Variants in TMEM132B observed in about 807,000 individuals in gnomAD.
TMEM132B encodes the protein transmembrane protein 132B.
Under a neutral mutation model 90.8 loss-of-function variants are expected in TMEM132B, and 18 were observed. The observed-to-expected ratio is 0.20, with a 90% CI of 0.14 to 0.29. The LOEUF (loss-of-function observed/expected upper bound fraction) is 0.29, where lower values mean the gene tolerates loss of function less well. Ranked by LOEUF, TMEM132B falls within the 10% of genes least tolerant of loss-of-function variation. The probability of loss-of-function intolerance (pLI) is 1.00; values close to 1 mark genes in which losing one functional copy is unlikely to be tolerated. For missense variants in TMEM132B, 1,096 were observed against 1,326.8 expected, an observed-to-expected ratio of 0.83 and a Z score of 2.70; for synonymous variants, 504 against 523.3, an observed-to-expected ratio of 0.96 and a Z score of 0.50.
chr12:125,492,245 T>G lies in TMEM132B; in HGVS notation c.1107-27194T>G, dbSNP rs1248741651. Among the ~76,000 whole-genome samples, 1 of 152,176 alleles carries G rather than the reference T, an allele frequency of 6.6e-6. No homozygotes were observed. Among genetic ancestry groups the G allele is most frequent in the African/African-American group, 2.4e-5 (1 of 41,444 alleles). On this transcript the variant is annotated intron_variant, in intron 3 of 8. Coordinates refer to ENST00000682704, the MANE Select transcript of TMEM132B (RefSeq NM_001366854.1). This position sits in a 1 kb window ranked among gnomAD's most constrained non-coding sequence, Gnocchi z 5.8. The stretch of plus-strand genomic sequence containing the variant: ...TTGTGCAAATGTTTCCTGTGCAAGT[T>G]ACACCTGCCGTGGCAGCTCAGCCTT...
chr12:125,382,820 C>T (rs1460173042), intron 2 of TMEM132B, among the ~76,000 whole-genome samples: 1 of 152,120 alleles, frequency 6.6e-6, no homozygotes, highest in African/African-American at 2.4e-5. Context: ...GGGTGTTTTG[C>T]TTCTTAAAAA....
intron 1 of TMEM132B, among the ~76,000 whole-genome samples, chr12:125,297,688 C>A (rs1294912269): frequency 6.6e-6 from 1 of 152,222 alleles, no homozygotes; most frequent in Non-Finnish European, 1.5e-5. Context: ...AGTGCAGGTG[C>A]TGGCCAAGCA....
At position 125,460,960 on chromosome 12, in the gene TMEM132B, G is replaced by A. The variant is rs566514749; in HGVS notation, c.1106+45283G>A. 2.6e-4 allele frequency among the ~76,000 whole-genome samples: 40 copies of A among 152,278 alleles called. No homozygotes were observed. Among genetic ancestry groups the A allele is most frequent in the Admixed American group, 5.9e-4 (9 of 15,302 alleles). On this transcript the variant is annotated intron_variant, in intron 3 of 8. Transcript: ENST00000682704. The surrounding 1 kb of genome is among the most constrained non-coding windows in gnomAD (Gnocchi z 4.4). ...TTTTTGTCTTCATATTTTCCCACAT[G>A]TCCTGTATTCATTAATGAAACAAAG...
chr12:125,294,077 T>C (rs1209982685), intron 1 of TMEM132B, among the ~76,000 whole-genome samples: 1 of 152,152 alleles, frequency 6.6e-6, no homozygotes, highest in Non-Finnish European at 1.5e-5. Context: ...GTGAAGGAAG[T>C]CCCAAGCCTC....
At chr12:125,481,732 C>T (rs1882048583) in intron 3 of TMEM132B, among the ~76,000 whole-genome samples, 2 of 152,236 alleles carry the variant, frequency 1.3e-5, no homozygotes, top group South Asian at 4.1e-4. Context: ...TGACTTTCTT[C>T]ACAGAATTGG....
chr12:125,390,198 G>A (rs558040539), intron 2 of TMEM132B, among the ~76,000 whole-genome samples: 1 of 152,302 alleles, frequency 6.6e-6, no homozygotes, highest in African/African-American at 2.4e-5. Flanking sequence ...AATGCTTATA[G>A]TGGCATTATT....
intron 5 of TMEM132B, among the ~76,000 whole-genome samples, chr12:125,609,202 G>A (rs1047767347): frequency 1.3e-5 from 2 of 152,258 alleles, no homozygotes; most frequent in South Asian, 4.2e-4. Context: ...TACAATTCAA[G>A]GTGATATTTG....
intron 1 of TMEM132B, among the ~76,000 whole-genome samples, chr12:125,325,335 C>T (rs957614176): frequency 6.6e-6 from 1 of 152,142 alleles, no homozygotes; most frequent in Non-Finnish European, 1.5e-5. Context: ...AGCCTCAAAC[C>T]AGGCAGGAGC....
At chr12:125,189,439 G>T (rs1021642654) in intron 1 of TMEM132B, among the ~76,000 whole-genome samples, 1 of 152,172 alleles carries the variant, frequency 6.6e-6, no homozygotes, top group Non-Finnish European at 1.5e-5. Context: ...AGTGGCAGGG[G>T]GGAGCTTTGG....
chr12:125,652,303 A>T, intron 7 of TMEM132B, 138 bp from the exon 8 acceptor site: 1 of 713,988 alleles, frequency 1.4e-6, no homozygotes, highest in Non-Finnish European at 2.2e-6. Flanking sequence ...ACAACGGCAT[A>T]ATACTTCCCT....
chr12:125,308,198 T>C (rs1366537085), intron 1 of TMEM132B, among the ~76,000 whole-genome samples: 2 of 143,348 alleles, frequency 1.4e-5, no homozygotes, highest in Non-Finnish European at 3.0e-5. Flanking sequence ...ACATATATAT[T>C]CACCTGTAGA....
rs1306263690 is a variant in TMEM132B at position 125,407,223 on chromosome 12, G to T, written c.960-8308G>T. Among the ~76,000 whole-genome samples the T allele has an allele frequency of 1.3e-5, 2 of 152,190 alleles. No homozygotes were observed. The highest frequency in any genetic ancestry group is 2.9e-5 in the Non-Finnish European group (2 of 68,046). ...AGGTAAACAAAGACACTCTTATCAG[G>T]CAAGAAATTCCAAAGGCTTAAAAGT... On this transcript the variant is annotated intron_variant, in intron 2 of 8. Coordinates refer to ENST00000682704, the MANE Select transcript of TMEM132B (RefSeq NM_001366854.1). This position sits in a 1 kb window ranked among gnomAD's most constrained non-coding sequence, Gnocchi z 6.7.
intron 2 of TMEM132B, among the ~76,000 whole-genome samples, chr12:125,409,604 G>A: frequency 9.1e-6 from 1 of 110,048 alleles, no homozygotes; most frequent in African/African-American, 5.0e-5. Flanking sequence ...GTGGAGGAGT[G>A]GAGTGGAGTG....
chr12:125,453,997 G>T (rs1206767364), intron 3 of TMEM132B, among the ~76,000 whole-genome samples: 4 of 152,144 alleles, frequency 2.6e-5, no homozygotes, highest in African/African-American at 9.7e-5. Context: ...GACATCTCTT[G>T]TCCTTGCTGA....
At chr12:125,640,397 G>A (rs1010146043) in intron 5 of TMEM132B, among the ~76,000 whole-genome samples, 1 of 152,162 alleles carries the variant, frequency 6.6e-6, no homozygotes, top group African/African-American at 2.4e-5. Flanking sequence ...ACTTATGAAG[G>A]ACATCAGATC....
At chr12:125,197,483 A>G (rs1399261874) in intron 1 of TMEM132B, among the ~76,000 whole-genome samples, 4 of 152,206 alleles carry the variant, frequency 2.6e-5, no homozygotes, top group Non-Finnish European at 4.4e-5. Flanking sequence ...AGCAAGCCAT[A>G]GGCCACGGAC....
intron 3 of TMEM132B, among the ~76,000 whole-genome samples, chr12:125,485,008 A>G (rs1019019166): frequency 6.6e-6 from 1 of 152,226 alleles, no homozygotes; most frequent in African/African-American, 2.4e-5. Context: ...GCTTACAACC[A>G]AAGATCACTA....
chr12:125,416,821 G>A (rs1880028292), intron 3 of TMEM132B, among the ~76,000 whole-genome samples: 1 of 152,140 alleles, frequency 6.6e-6, no homozygotes, highest in South Asian at 2.1e-4. Context: ...TATCGACAGA[G>A]TTTTCAGCCC....
chr12:125,518,137 T>G lies in TMEM132B; in HGVS notation c.1107-1302T>G, dbSNP rs114857496. Among the ~76,000 whole-genome samples, 1,380 of 152,172 alleles carry G rather than the reference T, an allele frequency of 9.1e-3. 24 individuals carry two copies. The highest frequency in any genetic ancestry group is 0.032 in the African/African-American group (1,335 of 41,510). ...TAGAATTTCTTACCAATCAGGTCAG[T>G]GTGATTTCGTGTTGTCAGTGCTGTG... On this transcript the variant is annotated intron_variant, in intron 3 of 8. Transcript: ENST00000682704.
Sources: gnomAD v4.1 joint callset for allele counts (sites outside exome capture counted in the v4.1 genomes callset) on GRCh38, gnomAD v4.1.1 for gene constraint, Gnocchi (gnomAD v3.1) non-coding constraint, MANE v1.5 for transcripts, NCBI Gene and HGNC (gene_info 2026-07-23, HGNC 2026-07-21) for gene names.